CCDC47: variants seen among roughly 807,000 people sequenced by gnomAD.
CCDC47 encodes PAT complex subunit CCDC47.
In CCDC47, 41 loss-of-function variants were observed where a neutral mutation model predicts 60.5. That is an observed-to-expected ratio of 0.68 (90% CI 0.53 to 0.88). The LOEUF (loss-of-function observed/expected upper bound fraction) is 0.88. Among genes scored for constraint, CCDC47 ranks in the 40% least tolerant of loss-of-function variants. CCDC47 has a pLI of 0.00. For missense variants in CCDC47, 513 were observed against 580.9 expected (o/e 0.88, Z 1.20); for synonymous variants, 195 against 190.7 (o/e 1.02, Z -0.18).
chr17:63,753,499 G>T, intron 9 of CCDC47: 1 of 290,976 alleles, frequency 3.4e-6, no homozygotes, highest in Non-Finnish European at 5.1e-6. Context: ...CAACTCCACA[G>T]CCTATCAGAG....
chr17:63,757,622 G>A (rs1383952020), intron 6 of CCDC47, among the ~76,000 whole-genome samples: 1 of 152,146 alleles, frequency 6.6e-6, no homozygotes, highest in East Asian at 1.9e-4. Context: ...AATTTGCTAT[G>A]TAGTAATAGA....
Position 63,752,449 on chromosome 17 carries a change from TTCCTACTGA to T in CCDC47, c.1094-29_1094-21del. The T allele has an allele frequency of 6.5e-7, 1 of 1,528,446 alleles. No individual in the cohort carries two copies. The highest frequency in any genetic ancestry group is 9.0e-7 in the Non-Finnish European group (1 of 1,108,426). The allele number at this position is 1,528,446 out of a possible 1,614,324, so 94.7% of individuals were successfully genotyped here. On this transcript the variant is annotated intron_variant, in intron 10 of 12. Transcript: ENST00000225726. ...CAGGCACTGGAAAACAAAGCCATTT[TTCCTACTGA>T]GTTAATGGTAGCATTAATATTTCCA...
At chr17:63,760,148 T>C (rs1598308872) in intron 6 of CCDC47, among the ~76,000 whole-genome samples, 1 of 151,980 alleles carries the variant, frequency 6.6e-6, no homozygotes, top group Middle Eastern at 3.4e-3. Flanking sequence ...CATATTGATT[T>C]AATAAAGGAA....
chr17:63,753,105 GC>G (rs1295088495), intron 9 of CCDC47: 1 of 359,862 alleles, frequency 2.8e-6, no homozygotes, highest in Non-Finnish European at 3.9e-6. Context: ...TAAGTATGAG[GC>G]CCATATTTTA....
At chr17:63,762,056 C>G in intron 4 of CCDC47, 3 of 976,502 alleles carry the variant, frequency 3.1e-6, no homozygotes, top group Non-Finnish European at 3.7e-6. Context: ...ACTATGTCTC[C>G]TATGAATTAA....
chr17:63,769,633 A>C (rs1301657353), intron 1 of CCDC47, among the ~76,000 whole-genome samples: 2 of 151,638 alleles, frequency 1.3e-5, no homozygotes, highest in African/African-American at 4.8e-5. Flanking sequence ...AAAAAAGAAA[A>C]GAAAAGAAAA....
At chr17:63,764,564 AT>A (rs1007349698) in intron 3 of CCDC47, among the ~76,000 whole-genome samples, 175 bp downstream of exon 3, 172 of 145,396 alleles carry the variant, frequency 1.2e-3, no homozygotes, top group Middle Eastern at 3.6e-3. Flanking sequence ...GTAGGTGTTG[AT>A]TTTTTTTTTT....
chr17:63,764,029 G>C lies in CCDC47; in HGVS notation c.534C>G (p.Asn178Lys), dbSNP rs2039279834. ...GGCCTCACTTACCCACTAAAGTAAAGTTGCTCTCCAAAAGCTCCCTATGAG... is the reference window on the plus strand; with the variant it reads ...GGCCTCACTTACCCACTAAAGTAAACTTGCTCTCCAAAAGCTCCCTATGAG... ...FNTHRELLES[N>K]FTLVGDDGTN... The change falls in exon 4 of 13, where the codon AAC becomes AAG. Residue 178 changes from asparagine (N) to lysine (K), a missense_variant. Physicochemically the swap from Asn to Lys is moderately conservative, Grantham distance 94. Coordinates refer to ENST00000225726, the MANE Select transcript of CCDC47 (RefSeq NM_020198.3). The C allele has an allele frequency of 6.3e-7, 1 of 1,590,174 alleles. No homozygotes were observed. Among genetic ancestry groups the C allele is most frequent in the South Asian group, 1.2e-5 (1 of 86,444 alleles).
rs2039279934 is a variant in CCDC47 at position 63,764,032 on chromosome 17, G to A, written c.531C>T (p.Ser177=). The A allele has an allele frequency of 6.3e-7, 1 of 1,589,906 alleles. No individual in the cohort carries two copies. The highest frequency in any genetic ancestry group is 8.5e-7 in the Non-Finnish European group (1 of 1,173,018). The change falls in exon 4 of 13, where the codon AGC becomes AGT. Residue 177 remains serine (S), a synonymous_variant. Transcript: ENST00000225726. ...CTCACTTACCCACTAAAGTAAAGTT[G>A]CTCTCCAAAAGCTCCCTATGAGTGT... ...WFNTHRELLE[S]NFTLVGDDGT... is the part of the protein sequence containing the mutation.
intron 11 of CCDC47, 87 bp from the exon 12 acceptor site, chr17:63,752,194 C>G: frequency 6.7e-7 from 1 of 1,502,462 alleles, no homozygotes; most frequent in Non-Finnish European, 9.2e-7. Flanking sequence ...CATAAAACTA[C>G]TCCCATTTGG....
chr17:63,757,489 G>C (rs1041333469), intron 6 of CCDC47, among the ~76,000 whole-genome samples: 2 of 151,890 alleles, frequency 1.3e-5, no homozygotes, highest in Non-Finnish European at 2.9e-5. Context: ...ACTCTAACCT[G>C]AATGACATCT....
chr17:63,758,190 T>A (rs1297606240), intron 6 of CCDC47, among the ~76,000 whole-genome samples: 1 of 152,232 alleles, frequency 6.6e-6, no homozygotes, highest in African/African-American at 2.4e-5. Context: ...TCAAGTTCTA[T>A]GAGCCATTCT....
chr17:63,771,017 G>A (rs77407897), intron 1 of CCDC47, among the ~76,000 whole-genome samples: 1,774 of 56,716 alleles, frequency 0.031, 21 homozygotes, highest in Middle Eastern at 0.097. Context: ...AGAAAGAAAG[G>A]AAGGAAGGAA....
chr17:63,761,515 A>G, intron 4 of CCDC47, 164 bp from the exon 5 acceptor site: 1 of 329,998 alleles, frequency 3.0e-6, no homozygotes, highest in Non-Finnish European at 4.7e-6. Flanking sequence ...CCCTGTCCCT[A>G]CTAAAAAAAA....
intron 4 of CCDC47, among the ~76,000 whole-genome samples, chr17:63,763,547 C>G (rs889690047): frequency 2.0e-5 from 3 of 151,624 alleles, no homozygotes; most frequent in Non-Finnish European, 4.4e-5. Context: ...ATAAAAAGGC[C>G]GGGTGCAGTG....
intron 9 of CCDC47, among the ~76,000 whole-genome samples, chr17:63,754,193 A>G (rs141147658): frequency 4.2e-4 from 64 of 152,328 alleles, no homozygotes; most frequent in Non-Finnish European, 8.1e-4. Context: ...CATCTCACTG[A>G]GTCAGTGGCA....
rs527978085 is a variant in CCDC47 at position 63,770,091 on chromosome 17, G to A, written c.-20+3321C>T. On this transcript the variant is annotated intron_variant, in intron 1 of 12. Transcript: ENST00000225726. The stretch of plus-strand genomic sequence containing the variant: ...TTCTTCTGTCTCAGCCTCCTGAGTA[G>A]CTGGGTTATAGGCACTCACCATCAT... 7.5e-4 allele frequency among the ~76,000 whole-genome samples: 113 copies of A among 151,532 alleles called. 1 individual carries two copies. The highest frequency in any genetic ancestry group is 1.4e-3 in the Non-Finnish European group (92 of 67,932).
intron 12 of CCDC47, chr17:63,747,498 A>T: frequency 2.0e-6 from 2 of 977,114 alleles, no homozygotes; most frequent in Non-Finnish European, 2.4e-6. Flanking sequence ...AAAATTATCA[A>T]ATTTATCATA....
At chr17:63,751,801 T>TGTTTAGA (rs1374622731) in intron 12 of CCDC47, 139 bp downstream of exon 12, 1 of 902,892 alleles carries the variant, frequency 1.1e-6, no homozygotes, top group Non-Finnish European at 1.8e-6. Flanking sequence ...TTCTTTATAG[T>TGTTTAGA]GTTATCAATT....
Sources: allele counts gnomAD v4.1 joint callset (sites outside exome capture counted in the v4.1 genomes callset), GRCh38; gene constraint gnomAD v4.1.1; transcripts MANE v1.5; gene names NCBI Gene and HGNC (gene_info 2026-07-23, HGNC 2026-07-21).